Variants in ZCCHC14 observed in about 807,000 individuals in gnomAD.
ZCCHC14 encodes zinc finger CCHC domain-containing protein 14.
A neutral mutation model predicts 85.0 loss-of-function variants in ZCCHC14; 16 were observed. The ratio of observed to expected loss-of-function variants is 0.19; its 90% CI spans 0.13 to 0.29. The LOEUF (loss-of-function observed/expected upper bound fraction) is 0.29, where lower values mean the gene tolerates loss of function less well. Ranked by LOEUF, ZCCHC14 falls within the 10% of genes least tolerant of loss-of-function variation. The probability of loss-of-function intolerance (pLI) is 1.00; values close to 1 mark genes in which losing one functional copy is unlikely to be tolerated. For missense variants in ZCCHC14, 1,303 were observed against 1,443.5 expected (o/e 0.90, Z 1.58); for synonymous variants, 775 against 630.7 (o/e 1.23, Z -3.43).
At chr16:87,434,990 CAAAAAAAAAAAAA>C (rs35789742) in intron 2 of ZCCHC14, among the ~76,000 whole-genome samples, 3 of 74,388 alleles carry the variant, frequency 4.0e-5, no homozygotes, top group Admixed American at 3.5e-4. Context: ...GACTTCGCCT[CAAAAAAAAAAAAA>C]AAAAAAAAAA....
At chr16:87,451,002 G>A (rs970380942) in intron 2 of ZCCHC14, among the ~76,000 whole-genome samples, 14 of 150,866 alleles carry the variant, frequency 9.3e-5, no homozygotes, top group South Asian at 2.1e-4. Context: ...GGGTTCAAGC[G>A]ATTCTCCTGC....
rs1182923295 is a variant in ZCCHC14, at chr16:87,412,981, A to G, written c.1745-5T>C. On this transcript the variant is annotated splice_region_variant and splice_polypyrimidine_tract_variant and intron_variant, in intron 11 of 12. Transcript: ENST00000671377. ...TCTCCAAGTGAATCTCCACACCTAG[A>G]GAGGGAAACAAGAGTGGTCAGTGCC... 1 of 1,613,110 alleles carries G rather than the reference A, an allele frequency of 6.2e-7. No homozygotes were observed. Among genetic ancestry groups the G allele is most frequent in the Non-Finnish European group, 8.5e-7 (1 of 1,179,538 alleles).
intron 3 of ZCCHC14, among the ~76,000 whole-genome samples, chr16:87,429,674 T>G (rs909128465): frequency 3.9e-5 from 6 of 151,922 alleles, no homozygotes; most frequent in Non-Finnish European, 5.9e-5. Flanking sequence ...TGGCATGATC[T>G]TGGCTCACTG....
chr16:87,478,163 A>T (rs927370997), intron 1 of ZCCHC14, among the ~76,000 whole-genome samples: 9 of 152,230 alleles, frequency 5.9e-5, no homozygotes, highest in Admixed American at 4.6e-4. Context: ...TTAAAAAACA[A>T]CCCACACATA....
intron 3 of ZCCHC14, among the ~76,000 whole-genome samples, chr16:87,424,745 T>G (rs575493590): frequency 2.0e-5 from 3 of 152,118 alleles, no homozygotes; most frequent in South Asian, 4.2e-4. Context: ...AGAGCTTGGG[T>G]TGACTTCTGA....
intron 2 of ZCCHC14, among the ~76,000 whole-genome samples, chr16:87,438,977 G>T (rs898898162): frequency 2.0e-5 from 3 of 152,186 alleles, no homozygotes; most frequent in African/African-American, 7.2e-5. Context: ...AAGGGACTCA[G>T]AATCCTAGGA....
At chr16:87,467,406 A>G (rs1027673376) in intron 1 of ZCCHC14, 14 of 1,601,850 alleles carry the variant, frequency 8.7e-6, no homozygotes, top group Non-Finnish European at 1.2e-5. Flanking sequence ...CTGTCAGGCA[A>G]GCTCTCCTGG....
rs902986199 is a variant in ZCCHC14 at position 87,492,122 on chromosome 16, G to T, written c.117C>A (p.Leu39=). 1 of 1,355,870 alleles carries T rather than the reference G, an allele frequency of 7.4e-7. No individual in the cohort carries two copies. Among genetic ancestry groups the T allele is most frequent in the South Asian group, 1.6e-5 (1 of 64,112 alleles). 84.0% of individuals were successfully genotyped at this position (1,355,870 alleles called of 1,614,324 possible). A position where few individuals can be genotyped will look rare whatever the true frequency, so the allele number is the denominator to read the frequency against. The change falls in exon 1 of 13, where the codon CTC becomes CTA. Residue 39 remains leucine, a synonymous_variant. Transcript: ENST00000671377. This position sits in a 1 kb window ranked among gnomAD's most constrained non-coding sequence, Gnocchi z 6.7. ...LCGLLDLCIP[L]ELRFLGSCLE... is the part of the protein sequence containing the mutation. ...GGCACGAGCCGAGGAAGCGAAGCTC[G>T]AGCGGGATGCACAGGTCCAGCAGGC...
intron 2 of ZCCHC14, among the ~76,000 whole-genome samples, chr16:87,445,195 C>G (rs929590558): frequency 2.6e-5 from 4 of 151,892 alleles, no homozygotes; most frequent in African/African-American, 7.3e-5. Flanking sequence ...GCCTCCGAAG[C>G]AGCTGGGACT....
At chr16:87,460,267 C>A in intron 1 of ZCCHC14, 136 bp from the exon 2 acceptor site, 2 of 1,194,414 alleles carry the variant, frequency 1.7e-6, no homozygotes, top group South Asian at 1.7e-5. Context: ...TAATAATAAG[C>A]CTTCCCCAAG....
chr16:87,420,734 G>A lies in ZCCHC14; in HGVS notation c.841-18C>T. The A allele has an allele frequency of 1.3e-6, 2 of 1,599,066 alleles. No homozygotes were observed. The highest frequency in any genetic ancestry group is 2.2e-5 in the East Asian group (1 of 44,606). On this transcript the variant is annotated intron_variant, in intron 4 of 12. Transcript: ENST00000671377. This position sits in a 1 kb window ranked among gnomAD's most constrained non-coding sequence, Gnocchi z 5.0. ...TGACATAGCTGGAAGAGAGGACAAG[G>A]TAGAGGAGGTGTGTCCAGACCCATC...
chr16:87,468,551 A>G (rs1489258025), intron 1 of ZCCHC14, among the ~76,000 whole-genome samples: 4 of 151,944 alleles, frequency 2.6e-5, no homozygotes, highest in African/African-American at 7.3e-5. Flanking sequence ...CTTAACCTAC[A>G]AACAGTTCCT....
At chr16:87,418,695 TA>T in intron 7 of ZCCHC14, 151 bp downstream of exon 7, 1 of 849,864 alleles carries the variant, frequency 1.2e-6, no homozygotes. Context: ...TTGGAAATCG[TA>T]AATTCAATCA....
chr16:87,420,813 G>C lies in ZCCHC14; in HGVS notation c.841-97C>G, dbSNP rs115167703. The C allele has an allele frequency of 3.2e-5, 31 of 971,032 alleles. No homozygotes were observed. In the African/African-American group the frequency reaches 4.8e-4, roughly 15 times the overall value. 60.2% of individuals were successfully genotyped at this position (971,032 alleles called of 1,614,324 possible). Reference sequence around the variant, plus strand: ...GAAAACCTGGGGCAGGTGCTCCATGGTGCCGCCTGCTGGTCTGATATGATT... The same window carrying C: ...GAAAACCTGGGGCAGGTGCTCCATGCTGCCGCCTGCTGGTCTGATATGATT... On this transcript the variant is annotated intron_variant, in intron 4 of 12. Transcript: ENST00000671377. The surrounding 1 kb of genome is among the most constrained non-coding windows in gnomAD (Gnocchi z 5.0).
In ZCCHC14 at chr16:87,412,725, A is replaced by T; in HGVS notation, c.1996T>A (p.Ser666Thr). The T allele has an allele frequency of 1.2e-6, 2 of 1,614,216 alleles. No individual in the cohort carries two copies. The highest frequency in any genetic ancestry group is 2.7e-5 in the African/African-American group (2 of 75,050). ...GSADMKLLSS[S>T]VHSLLSLEER... ...TCTAGAGACAAAAGTGAGTGCACAGAAGACGAGAGGAGCTTCATGTCCGCG... is the reference window on the plus strand; with the variant it reads ...TCTAGAGACAAAAGTGAGTGCACAGTAGACGAGAGGAGCTTCATGTCCGCG... The change falls in exon 12 of 13, where the codon TCT becomes ACT. Residue 666 changes from serine to threonine, a missense_variant. Ser to Thr is a moderately conservative substitution (Grantham distance 58, BLOSUM62 1). Around this residue, in one of 7 missense-constraint regions of ZCCHC14, gnomAD observed 797 missense variants for 730.8 expected, o/e 1.09. Coordinates refer to ENST00000671377, the MANE Select transcript of ZCCHC14 (RefSeq NM_015144.3).
chr16:87,461,737 C>T (rs76295986), intron 1 of ZCCHC14, among the ~76,000 whole-genome samples: 2,517 of 152,308 alleles, frequency 0.017, 25 homozygotes, highest in Middle Eastern at 0.048. Context: ...AGACTGCTGC[C>T]ACTCCGGCAG....
At chr16:87,448,498 C>T (rs1438449983) in intron 2 of ZCCHC14, among the ~76,000 whole-genome samples, 1 of 152,108 alleles carries the variant, frequency 6.6e-6, no homozygotes, top group African/African-American at 2.4e-5. Flanking sequence ...ACTGAACATG[C>T]TCCTTCCTTT....
chr16:87,437,369 AG>A (rs1447206043), intron 2 of ZCCHC14, among the ~76,000 whole-genome samples: 1 of 141,600 alleles, frequency 7.1e-6, no homozygotes, highest in Non-Finnish European at 1.5e-5. Flanking sequence ...AAAAAAATTC[AG>A]GGGCAAACAT....
chr16:87,492,914 G>GCGGCGGCGA lies in ZCCHC14; in HGVS notation c.-685_-677dup, dbSNP rs1208678079. Among the ~76,000 whole-genome samples the GCGGCGGCGA allele has an allele frequency of 2.1e-5, 3 of 142,620 alleles. No homozygotes were observed. Among genetic ancestry groups the GCGGCGGCGA allele is most frequent in the African/African-American group, 2.7e-5 (1 of 37,462 alleles). 93.6% of individuals were successfully genotyped at this position (142,620 alleles called of 152,430 possible). A position where few individuals can be genotyped will look rare whatever the true frequency, so the allele number is the denominator to read the frequency against. ...GACGGATCCGGGCCCGAGCGCGGCG[G>GCGGCGGCGA]CGGCGGCGACGGCGACGGCGACGGC... On this transcript the variant is annotated 5_prime_UTR_variant, in exon 1 of 13. Transcript: ENST00000671377. The surrounding 1 kb of genome is among the most constrained non-coding windows in gnomAD (Gnocchi z 6.7).
Sources: allele counts gnomAD v4.1 joint callset (sites outside exome capture counted in the v4.1 genomes callset), GRCh38; gene constraint gnomAD v4.1.1; regional missense constraint gnomAD v4.1.1; non-coding constraint Gnocchi (gnomAD v3.1); transcripts MANE v1.5; gene names NCBI Gene and HGNC (gene_info 2026-07-23, HGNC 2026-07-21).